Variants in NNT observed in about 807,000 individuals in gnomAD.
The protein encoded by NNT is nicotinamide nucleotide transhydrogenase, also known as NAD(P) transhydrogenase, mitochondrial.
In NNT, 50 loss-of-function variants were observed where a neutral mutation model predicts 104.8. That is an observed-to-expected ratio of 0.48 (90% CI 0.38 to 0.60). NNT has a LOEUF of 0.60. NNT is among the 20% of genes least tolerant of loss of function. The probability of loss-of-function intolerance (pLI) is 0.00; values close to 1 mark genes in which losing one functional copy is unlikely to be tolerated. For synonymous variants in NNT, 461 were observed against 490.4 expected (o/e 0.94, Z 0.79); for missense variants, 1,131 against 1,330.7 (o/e 0.85, Z 2.33).
chr5:43,694,429 C>G (rs1422143365), intron 19 of NNT, among the ~76,000 whole-genome samples: 2 of 152,256 alleles, frequency 1.3e-5, no homozygotes, highest in Middle Eastern at 3.4e-3. Context: ...TCATAGATGG[C>G]TCTTACTATT....
chr5:43,650,376 C>T (rs1298078157), intron 11 of NNT, 101 bp from the exon 12 acceptor site: 1 of 796,954 alleles, frequency 1.3e-6, no homozygotes, highest in African/African-American at 1.7e-5. Flanking sequence ...ATATTGAGAA[C>T]TTTACCCTCT....
chr5:43,688,036 A>G (rs1742073436), intron 19 of NNT, among the ~76,000 whole-genome samples: 1 of 152,226 alleles, frequency 6.6e-6, no homozygotes, highest in African/African-American at 2.4e-5. Flanking sequence ...TTTAGCTAAA[A>G]TAGAAGTCCT....
intron 5 of NNT, among the ~76,000 whole-genome samples, chr5:43,623,128 T>C (rs1750182854): frequency 6.6e-6 from 1 of 152,056 alleles, no homozygotes; most frequent in Non-Finnish European, 1.5e-5. Context: ...TCACATGACC[T>C]CTGAGACACT....
intron 19 of NNT, among the ~76,000 whole-genome samples, chr5:43,678,057 A>C (rs545084603): frequency 6.6e-6 from 1 of 152,384 alleles, no homozygotes; most frequent in East Asian, 1.9e-4. Context: ...TGTATTAAAT[A>C]GTAGAGAAAG....
At chr5:43,616,718 A>AT (rs936769575) in intron 4 of NNT, among the ~76,000 whole-genome samples, 1 of 152,134 alleles carries the variant, frequency 6.6e-6, no homozygotes, top group African/African-American at 2.4e-5. Context: ...GCTTGGAGGA[A>AT]TGTGGCTATG....
chr5:43,655,193 T>C (rs1214459898), intron 14 of NNT, among the ~76,000 whole-genome samples: 1 of 152,034 alleles, frequency 6.6e-6, no homozygotes, highest in Non-Finnish European at 1.5e-5. Flanking sequence ...ATAAGGGAAT[T>C]TGATTAGAGA....
At chr5:43,609,472 CA>C (rs113580606) in intron 2 of NNT, 126 bp downstream of exon 2, 25 of 858,388 alleles carry the variant, frequency 2.9e-5, no homozygotes, top group African/African-American at 2.4e-4. Flanking sequence ...TCATTTTAAA[CA>C]AACAACAAGT....
chr5:43,635,645 A>T (rs893961037), intron 7 of NNT, among the ~76,000 whole-genome samples: 1 of 152,172 alleles, frequency 6.6e-6, no homozygotes, highest in East Asian at 1.9e-4. Flanking sequence ...CTGTGGGGTT[A>T]GTTTCCTCTG....
Position 43,616,062 on chromosome 5 carries a change from C to G in NNT, c.596C>G (p.Ala199Gly), listed in dbSNP as rs199621743. ...GCGCTAAGCTCCATGGCCAACATTG[C>G]GGGGTAGGTTCTTTTCCATTTCAAT... ...YDALSSMANI[A>G]GYKAVVLAAN... The change falls in exon 4 of 22, where the codon GCG becomes GGG. Residue 199 changes from alanine (A) to glycine (G), a missense_variant. Ala to Gly is a moderately conservative substitution (Grantham distance 60, BLOSUM62 0). Coordinates refer to ENST00000344920, the MANE Select transcript of NNT (RefSeq NM_182977.3). 5 of 1,612,340 alleles carry G rather than the reference C, an allele frequency of 3.1e-6. No homozygotes were observed. In the South Asian group the frequency reaches 4.4e-5, roughly 14 times the overall value.
At chr5:43,676,742 A>T (rs1741434559) in intron 18 of NNT, among the ~76,000 whole-genome samples, 1 of 152,184 alleles carries the variant, frequency 6.6e-6, no homozygotes, top group Non-Finnish European at 1.5e-5. Flanking sequence ...ATTAAGTCAG[A>T]TAGGTAGATC....
At chr5:43,669,401 A>G (rs1401387942) in intron 17 of NNT, among the ~76,000 whole-genome samples, 4 of 152,072 alleles carry the variant, frequency 2.6e-5, no homozygotes, top group African/African-American at 7.2e-5. Flanking sequence ...CATTCAGTAT[A>G]ATATTGGCTG....
At chr5:43,672,351 G>T (rs548589864) in intron 17 of NNT, among the ~76,000 whole-genome samples, 22 of 152,226 alleles carry the variant, frequency 1.4e-4, no homozygotes, top group Non-Finnish European at 2.8e-4. Context: ...TTGGAGGGGG[G>T]AGAGGCGCTC....
intron 14 of NNT, among the ~76,000 whole-genome samples, chr5:43,655,138 A>G (rs1172742866): frequency 6.6e-6 from 1 of 152,200 alleles, no homozygotes; most frequent in Non-Finnish European, 1.5e-5. Context: ...CTCAGGAGAA[A>G]GCACTGGCTA....
intron 7 of NNT, among the ~76,000 whole-genome samples, chr5:43,641,464 G>A (rs768923797): frequency 6.6e-6 from 1 of 151,914 alleles, no homozygotes; most frequent in Non-Finnish European, 1.5e-5. Context: ...ATAAGGAAAA[G>A]CACAGAGAAG....
In NNT at chr5:43,624,041, G is replaced by A. The variant is rs761727766; in HGVS notation, c.697G>A (p.Val233Ile). The change falls in exon 6 of 22, where the codon GTT (valine) becomes ATT (isoleucine). Residue 233 changes from valine to isoleucine, a missense_variant. Physicochemically the swap from Val to Ile is conservative, Grantham distance 29. Transcript: ENST00000344920. Reference sequence around the variant, plus strand: ...TGGGTCTGTCTTCTAGATTCTGATAGTTGGTGGTGGTGTTGCTGGGCTTGC... The same window carrying A: ...TGGGTCTGTCTTCTAGATTCTGATAATTGGTGGTGGTGTTGCTGGGCTTGC... ...GKVPPAKILI[V>I]GGGVAGLASA... 24 of 1,614,050 alleles carry A rather than the reference G, an allele frequency of 1.5e-5. No homozygotes were observed. Among genetic ancestry groups the A allele is most frequent in the Non-Finnish European group, 1.9e-5 (22 of 1,180,014 alleles).
rs1329782655 is a variant in NNT, at chr5:43,628,210, T to G, written c.787T>G (p.Leu263Val). 3 of 1,610,264 alleles carry G rather than the reference T, an allele frequency of 1.9e-6. No homozygotes were observed. The highest frequency in any genetic ancestry group is 2.5e-6 in the Non-Finnish European group (3 of 1,178,532). ...TAACAATCACCCTAGAGCTGCAGCT[T>G]TGGAACAGTTCAAGTCTCTTGGTGC... Reference protein sequence around the residue: ...VRGFDTRAAALEQFKSLGAEP... With the variant: ...VRGFDTRAAAVEQFKSLGAEP... Residue 263 changes from leucine (L) to valine (V), a missense_variant, in exon 7 of 22, where the codon TTG becomes GTG. Coordinates refer to ENST00000344920, the MANE Select transcript of NNT (RefSeq NM_182977.3).
chr5:43,677,521 T>C (rs1028824502), intron 18 of NNT, among the ~76,000 whole-genome samples: 7 of 152,018 alleles, frequency 4.6e-5, no homozygotes, highest in East Asian at 1.9e-4. Flanking sequence ...CTACAGAAGA[T>C]TGAGGAGCAA....
rs113211360 is a variant in NNT at position 43,684,555 on chromosome 5, A to AT, written c.2876+6760dup. 2.1e-3 allele frequency among the ~76,000 whole-genome samples: 315 copies of AT among 147,810 alleles called. 1 individual carries two copies. The highest frequency in any genetic ancestry group is 6.3e-3 in the African/African-American group (257 of 40,476). On this transcript the variant is annotated intron_variant, in intron 19 of 21. Coordinates refer to ENST00000344920, the MANE Select transcript of NNT (RefSeq NM_182977.3). ...GTGGACAGCAGTTGCCTCATCGGGAATTTTTTTTTTTCACTTCCTTACCAT... is the reference window on the plus strand; with the variant it reads ...GTGGACAGCAGTTGCCTCATCGGGAATTTTTTTTTTTTCACTTCCTTACCAT...
intron 1 of NNT, among the ~76,000 whole-genome samples, chr5:43,608,226 G>T (rs985975611): frequency 2.6e-5 from 4 of 152,206 alleles, no homozygotes; most frequent in African/African-American, 9.7e-5. Context: ...ACTGCGCCTG[G>T]CTTCTTTCCA....
Sources: allele counts gnomAD v4.1 joint callset (sites outside exome capture counted in the v4.1 genomes callset), GRCh38; gene constraint gnomAD v4.1.1; transcripts MANE v1.5; gene names NCBI Gene and HGNC (gene_info 2026-07-23, HGNC 2026-07-21).